The following CFI variants were observed in gnomAD, a reference collection of about 807,000 sequenced individuals.
CFI encodes the protein complement factor I, also known as C3B/C4B inactivator.
Under a neutral mutation model 78.8 loss-of-function variants are expected in CFI, and 66 were observed. The observed-to-expected ratio is 0.84, with a 90% CI of 0.69 to 1.03. CFI has a LOEUF of 1.03. CFI is among the 50% of genes least tolerant of loss of function. The pLI is 0.00. For synonymous variants in CFI, 250 were observed against 232.6 expected (o/e 1.07, Z -0.68); for missense variants, 706 against 704.5 (o/e 1.00, Z -0.02).
chr4:109,778,867 C>T (rs1369497164), intron 1 of CFI, among the ~76,000 whole-genome samples: 2 of 152,070 alleles, frequency 1.3e-5, no homozygotes, highest in African/African-American at 4.8e-5. Context: ...ATAAACAGAA[C>T]CAAAGACAAA....
chr4:109,768,334 T>TAAAAAAAAAA (rs756365540), intron 1 of CFI, among the ~76,000 whole-genome samples: 9 of 63,178 alleles, frequency 1.4e-4, no homozygotes, highest in African/African-American at 4.5e-4. Flanking sequence ...GAAGAAATCC[T>TAAAAAAAAAA]AAAAAAAAAA....
intron 1 of CFI, among the ~76,000 whole-genome samples, chr4:109,783,300 A>G (rs1730295670): frequency 6.6e-6 from 1 of 152,334 alleles, no homozygotes; most frequent in South Asian, 2.1e-4. Flanking sequence ...ACTAACATCC[A>G]TAATCTACAA....
chr4:109,793,177 T>C (rs1444620766), intron 1 of CFI, among the ~76,000 whole-genome samples: 2 of 152,198 alleles, frequency 1.3e-5, no homozygotes, highest in Non-Finnish European at 2.9e-5. Flanking sequence ...TTAATAGTGA[T>C]TAAATTTATA....
At chr4:109,734,530 G>A in the CFI span, among the ~76,000 whole-genome samples, 5 of 152,316 alleles carry the variant, frequency 3.3e-5, no homozygotes, top group East Asian at 7.7e-4. Context: ...CAGGCAGGAC[G>A]CAGTGGCTCA....
chr4:109,787,903 G>T (rs1730945778), intron 1 of CFI, among the ~76,000 whole-genome samples: 1 of 151,956 alleles, frequency 6.6e-6, no homozygotes, highest in Non-Finnish European at 1.5e-5. Flanking sequence ...GAAACAGAGA[G>T]AATTGTTCAA....
At chr4:109,766,905 A>C in intron 1 of CFI, 81 bp from the exon 2 acceptor site, 1 of 1,404,580 alleles carries the variant, frequency 7.1e-7, no homozygotes, top group Non-Finnish European at 1.0e-6. Context: ...GGAAAAGAGC[A>C]AAACAGATAC....
chr4:109,777,331 C>T (rs1363715977), intron 1 of CFI, among the ~76,000 whole-genome samples: 2 of 152,058 alleles, frequency 1.3e-5, no homozygotes, highest in African/African-American at 4.8e-5. Flanking sequence ...GGGTTGCAAT[C>T]CTAGTCTCGG....
At chr4:109,784,996 A>G (rs1052588118) in intron 1 of CFI, among the ~76,000 whole-genome samples, 49 of 152,058 alleles carry the variant, frequency 3.2e-4, no homozygotes, top group African/African-American at 1.2e-3. Flanking sequence ...CCCTTGCGAT[A>G]ATGTACTTTG....
intron 1 of CFI, among the ~76,000 whole-genome samples, chr4:109,787,735 C>T (rs1448257573): frequency 6.6e-6 from 1 of 151,672 alleles, no homozygotes; most frequent in African/African-American, 2.4e-5. Flanking sequence ...CTCTAAAAAA[C>T]TGGAAATATT....
intron 1 of CFI, among the ~76,000 whole-genome samples, chr4:109,772,485 T>C (rs1171818613): frequency 2.0e-5 from 3 of 152,224 alleles, no homozygotes; most frequent in Non-Finnish European, 4.4e-5. Context: ...AAACTATAGT[T>C]ACTGTCATTT....
At chr4:109,800,229 A>G (rs1469977055) in intron 1 of CFI, among the ~76,000 whole-genome samples, 1 of 149,572 alleles carries the variant, frequency 6.7e-6, no homozygotes, top group Admixed American at 6.7e-5. Context: ...ATAAAATTTT[A>G]GGGTAAAATA....
intron 1 of CFI, among the ~76,000 whole-genome samples, chr4:109,775,347 T>A (rs1729085214): frequency 6.6e-6 from 1 of 152,124 alleles, no homozygotes; most frequent in African/African-American, 2.4e-5. Context: ...CACCAGGAGA[T>A]TATATCCCGT....
At chr4:109,797,868 G>A (rs1732259064) in intron 1 of CFI, among the ~76,000 whole-genome samples, 1 of 152,138 alleles carries the variant, frequency 6.6e-6, no homozygotes, top group African/African-American at 2.4e-5. Flanking sequence ...ACACCAGTTA[G>A]GATGGTTATT....
downstream of CFI, among the ~76,000 whole-genome samples, chr4:109,736,503 G>C (rs538498034): frequency 2.0e-5 from 3 of 152,340 alleles, no homozygotes; most frequent in East Asian, 5.8e-4. Context: ...CTGGGACAAA[G>C]TGAAGGGCAA....
chr4:109,763,781 T>A (rs894502536), intron 3 of CFI, among the ~76,000 whole-genome samples: 3 of 151,696 alleles, frequency 2.0e-5, no homozygotes, highest in African/African-American at 7.3e-5. Context: ...ATTGTTATCA[T>A]ACAGGGATAT....
intron 3 of CFI, chr4:109,762,022 C>T: frequency 9.9e-6 from 3 of 303,922 alleles, no homozygotes; most frequent in Non-Finnish European, 1.9e-5. Flanking sequence ...AAAATCCTAT[C>T]TCTACCAAAA....
At chr4:109,742,298 T>C in intron 12 of CFI, 193 bp downstream of exon 12, 2 of 591,226 alleles carry the variant, frequency 3.4e-6, no homozygotes, top group Non-Finnish European at 3.0e-6. Context: ...TTAAGGAGGA[T>C]TTTTCCTCAT....
At chr4:109,773,472 C>T (rs567296444) in intron 1 of CFI, among the ~76,000 whole-genome samples, 2 of 152,218 alleles carry the variant, frequency 1.3e-5, no homozygotes, top group East Asian at 1.9e-4. Context: ...GCCGAGATCG[C>T]GCCACTGCAC....
intron 1 of CFI, among the ~76,000 whole-genome samples, chr4:109,782,005 T>C (rs1730107355): frequency 6.6e-6 from 1 of 152,076 alleles, no homozygotes. Flanking sequence ...ACAAGGGGCA[T>C]ACCTTAATGT....
Sources: gnomAD v4.1 joint callset for allele counts (sites outside exome capture counted in the v4.1 genomes callset) on GRCh38, gnomAD v4.1.1 for gene constraint, MANE v1.5 for transcripts, NCBI Gene and HGNC (gene_info 2026-07-23, HGNC 2026-07-21) for gene names.